BMP7: variants seen among roughly 807,000 people sequenced by gnomAD.
BMP7 encodes bone morphogenetic protein 7, also known as osteogenic protein 1.
In BMP7, 12 loss-of-function variants were observed where a neutral mutation model predicts 41.2. The ratio of observed to expected loss-of-function variants is 0.29; its 90% CI spans 0.19 to 0.47. BMP7 has a LOEUF of 0.47. Ranked by LOEUF, BMP7 falls within the 20% of genes least tolerant of loss-of-function variation. The pLI, the probability that BMP7 is intolerant of heterozygous loss-of-function variation, is 0.99. For missense variants in BMP7, 467 were observed against 606.0 expected, an observed-to-expected ratio of 0.77 and a Z score of 2.41; for synonymous variants, 248 against 250.0, an observed-to-expected ratio of 0.99 and a Z score of 0.07.
At chr20:57,178,752 G>A (rs547566781) in intron 4 of BMP7, among the ~76,000 whole-genome samples, 1 of 152,276 alleles carries the variant, frequency 6.6e-6, no homozygotes, top group South Asian at 2.1e-4. Flanking sequence ...TCAGCTCAGG[G>A]ATGTGTCAGG....
chr20:57,254,388 T>G (rs2066125971), intron 1 of BMP7, among the ~76,000 whole-genome samples: 1 of 152,024 alleles, frequency 6.6e-6, no homozygotes, highest in Non-Finnish European at 1.5e-5. Context: ...TATTTGAAAC[T>G]CTCATCAAAA....
At chr20:57,249,537 G>A (rs6127984) in intron 1 of BMP7, among the ~76,000 whole-genome samples, 57,468 of 151,860 alleles carry the variant, frequency 0.38, 10,969 homozygotes, top group Admixed American at 0.44. Context: ...TGACTGCATC[G>A]CACTTTTTCA....
chr20:57,232,548 G>C (rs961744016), intron 1 of BMP7, among the ~76,000 whole-genome samples: 17 of 152,188 alleles, frequency 1.1e-4, no homozygotes, highest in Admixed American at 6.5e-4. Context: ...CACAAGGTTT[G>C]TTACAACAGC....
intron 3 of BMP7, among the ~76,000 whole-genome samples, chr20:57,195,381 C>T (rs1251458541): frequency 6.6e-6 from 1 of 152,216 alleles, no homozygotes. Flanking sequence ...TGGACCAAGG[C>T]CCAAGTGACA....
chr20:57,189,838 C>T (rs959795407), intron 3 of BMP7, among the ~76,000 whole-genome samples: 5 of 152,212 alleles, frequency 3.3e-5, no homozygotes, highest in African/African-American at 7.2e-5. Context: ...AATGAGAACA[C>T]GACCACCCTG....
chr20:57,170,963 T>C lies in BMP7; in HGVS notation c.1292A>G (p.His431Arg). Residue 431 changes from histidine to arginine, a missense_variant, in exon 7 of 7, where the codon CAC becomes CGC. Coordinates refer to ENST00000395863, the MANE Select transcript of BMP7 (RefSeq NM_001719.3). Reference protein sequence around the residue: ...RNMVVRACGCH With the variant: ...RNMVVRACGCR ...GGGTCTGAATTCTCGGAGGAGCTAG[T>C]GGCAGCCACAGGCCCGGACCACCAT... 3.1e-6 allele frequency: 5 copies of C among 1,613,368 alleles called. No homozygotes were observed. The highest frequency in any genetic ancestry group is 4.2e-6 in the Non-Finnish European group (5 of 1,179,800).
At chr20:57,230,406 C>A (rs1353831412) in intron 1 of BMP7, among the ~76,000 whole-genome samples, 2 of 152,020 alleles carry the variant, frequency 1.3e-5, no homozygotes, top group African/African-American at 4.8e-5. Flanking sequence ...CGTGGGACTG[C>A]CCCCGGCCAG....
At chr20:57,241,856 C>G (rs527374161) in intron 1 of BMP7, among the ~76,000 whole-genome samples, 3 of 152,230 alleles carry the variant, frequency 2.0e-5, no homozygotes, top group East Asian at 3.9e-4. Context: ...TTGAATGAAC[C>G]AAAGGGTTTA....
chr20:57,217,964 C>T (rs1254935517), intron 2 of BMP7, among the ~76,000 whole-genome samples: 1 of 152,172 alleles, frequency 6.6e-6, no homozygotes, highest in Non-Finnish European at 1.5e-5. Context: ...CAGGAGACAG[C>T]TGGAAATGAG....
At chr20:57,216,548 G>A (rs542690468) in intron 2 of BMP7, among the ~76,000 whole-genome samples, 1 of 150,250 alleles carries the variant, frequency 6.7e-6, no homozygotes, top group African/African-American at 2.5e-5. Flanking sequence ...TCTCCTGAGG[G>A]CGAGGGGCTG....
chr20:57,254,303 G>A (rs571886522), intron 1 of BMP7, among the ~76,000 whole-genome samples: 73 of 152,038 alleles, frequency 4.8e-4, no homozygotes, highest in Non-Finnish European at 7.9e-4. Flanking sequence ...GATTACAGGC[G>A]TGAGCCACCG....
chr20:57,238,060 CT>C (rs1163472401), intron 1 of BMP7, among the ~76,000 whole-genome samples: 1 of 152,202 alleles, frequency 6.6e-6, no homozygotes, highest in Non-Finnish European at 1.5e-5. Context: ...GTCTCCAGGA[CT>C]TTTTTCATCT....
intron 1 of BMP7, among the ~76,000 whole-genome samples, chr20:57,249,172 A>G (rs1366370825): frequency 6.6e-6 from 1 of 152,084 alleles, no homozygotes; most frequent in East Asian, 1.9e-4. Flanking sequence ...TAGGATGTGT[A>G]TCTCTTATAG....
chr20:57,257,342 C>T (rs1010908438), intron 1 of BMP7, among the ~76,000 whole-genome samples: 33 of 151,952 alleles, frequency 2.2e-4, no homozygotes, highest in Admixed American at 7.2e-4. Flanking sequence ...TCCATTGCAC[C>T]GCAAATTTTC....
At position 57,202,550 on chromosome 20, in the gene BMP7, T is replaced by C. The variant is rs746092842; in HGVS notation, c.685A>G (p.Thr229Ala). 6 of 1,610,530 alleles carry C rather than the reference T, an allele frequency of 3.7e-6. No individual in the cohort carries two copies. Among genetic ancestry groups the C allele is most frequent in the Middle Eastern group, 1.7e-4 (1 of 6,056 alleles). The change falls in exon 3 of 7, where the codon ACA (threonine) becomes GCA (alanine). Residue 229 changes from threonine to alanine, a missense_variant. Thr to Ala is a moderately conservative substitution (Grantham distance 58, BLOSUM62 0). Coordinates refer to ENST00000395863, the MANE Select transcript of BMP7 (RefSeq NM_001719.3). ...SEEGWLVFDI[T>A]ATSNHWVVNP... is the part of the protein sequence containing the mutation. ...ACCACCCAGTGGTTGCTGGTGGCTG[T>C]GATGTCAAACACCAGCCAGCCCTCC...
Position 57,237,831 on chromosome 20 carries a change from C to T in BMP7, c.419-9410G>A, listed in dbSNP as rs145204907. Reference sequence around the variant, plus strand: ...GCTGCCCCAGCATGGACGTGAGAGCCGTCAGTTGTACTGTAGAAGAGTAGT... The same window carrying T: ...GCTGCCCCAGCATGGACGTGAGAGCTGTCAGTTGTACTGTAGAAGAGTAGT... On this transcript the variant is annotated intron_variant, in intron 1 of 6. Transcript: ENST00000395863. Among the ~76,000 whole-genome samples, 647 of 152,302 alleles carry T rather than the reference C, an allele frequency of 4.2e-3. 5 individuals carry two copies. Among genetic ancestry groups the T allele is most frequent in the Non-Finnish European group, 7.4e-3 (505 of 68,034 alleles).
chr20:57,201,238 C>T (rs1387186618), intron 3 of BMP7, among the ~76,000 whole-genome samples: 2 of 152,246 alleles, frequency 1.3e-5, no homozygotes, highest in Non-Finnish European at 2.9e-5. Flanking sequence ...AACCCAATGG[C>T]CCAAATCCTC....
chr20:57,223,910 G>A (rs983035627), intron 2 of BMP7, among the ~76,000 whole-genome samples: 5 of 152,196 alleles, frequency 3.3e-5, no homozygotes, highest in African/African-American at 1.2e-4. Context: ...GAGAGGACTG[G>A]GCAAGGAGCC....
Position 57,224,992 on chromosome 20 carries a change from G to A in BMP7, c.611+3237C>T, listed in dbSNP as rs953040400. On this transcript the variant is annotated intron_variant, in intron 2 of 6. Transcript: ENST00000395863. The surrounding 1 kb of genome is among the most constrained non-coding windows in gnomAD (Gnocchi z 4.8). Reference sequence around the variant, plus strand: ...AAGCCGGCTAATCCTCGGCACCCCCGGGGCTTTCCTGGAGCTCAGGCACAG... The same window carrying A: ...AAGCCGGCTAATCCTCGGCACCCCCAGGGCTTTCCTGGAGCTCAGGCACAG... Among the ~76,000 whole-genome samples, 1 of 152,234 alleles carries A rather than the reference G, an allele frequency of 6.6e-6. No homozygotes were observed. The highest frequency in any genetic ancestry group is 2.4e-5 in the African/African-American group (1 of 41,462).
Sources: allele counts gnomAD v4.1 joint callset (sites outside exome capture counted in the v4.1 genomes callset), GRCh38; gene constraint gnomAD v4.1.1; non-coding constraint Gnocchi (gnomAD v3.1); transcripts MANE v1.5; gene names NCBI Gene and HGNC (gene_info 2026-07-23, HGNC 2026-07-21).